The following CNTNAP2 variants were observed in gnomAD, a reference collection of about 807,000 sequenced individuals.
CNTNAP2 encodes contactin associated protein 2.
Under a neutral mutation model 155.2 loss-of-function variants are expected in CNTNAP2, and 98 were observed. The ratio of observed to expected loss-of-function variants is 0.63; its 90% CI spans 0.54 to 0.75. CNTNAP2 has a LOEUF of 0.75. Ranked by LOEUF, CNTNAP2 falls within the 30% of genes least tolerant of loss-of-function variation. The probability of loss-of-function intolerance (pLI) is 0.00; values close to 1 mark genes in which losing one functional copy is unlikely to be tolerated. For missense variants in CNTNAP2, 1,727 were observed against 1,688.1 expected (o/e 1.02, Z -0.40); for synonymous variants, 651 against 631.2 (o/e 1.03, Z -0.47).
chr7:147,373,716 G>A (rs974904271), intron 9 of CNTNAP2, among the ~76,000 whole-genome samples: 10 of 152,106 alleles, frequency 6.6e-5, no homozygotes, highest in Admixed American at 5.9e-4. Context: ...TGTATGAACT[G>A]TATACCACTG....
At chr7:146,560,962 CAGCCTTCATTACATA>C (rs1798270675) in intron 1 of CNTNAP2, among the ~76,000 whole-genome samples, 1 of 152,130 alleles carries the variant, frequency 6.6e-6, no homozygotes, top group Non-Finnish European at 1.5e-5. Context: ...GGAACAATTC[CAGCCTTCATTACATA>C]AGGAATTCAG....
intron 21 of CNTNAP2, among the ~76,000 whole-genome samples, chr7:148,285,275 G>A (rs757697671): frequency 4.6e-5 from 7 of 152,204 alleles, no homozygotes; most frequent in Non-Finnish European, 8.8e-5. Flanking sequence ...ATCTAAGGAA[G>A]ATAATCTTCT....
chr7:146,692,116 T>C (rs1800708261), intron 1 of CNTNAP2, among the ~76,000 whole-genome samples: 2 of 152,122 alleles, frequency 1.3e-5, no homozygotes, highest in South Asian at 4.1e-4. Flanking sequence ...CACATTTATG[T>C]TTTTCATCTC....
intron 3 of CNTNAP2, among the ~76,000 whole-genome samples, chr7:147,025,975 T>G (rs578041840): frequency 6.6e-6 from 1 of 151,984 alleles, no homozygotes; most frequent in Non-Finnish European, 1.5e-5. Flanking sequence ...TTCTCATGCC[T>G]CAGCCTCCTG....
chr7:146,398,321 G>A (rs977999097), intron 1 of CNTNAP2, among the ~76,000 whole-genome samples: 1 of 151,792 alleles, frequency 6.6e-6, no homozygotes, highest in Admixed American at 6.6e-5. Context: ...AATCATGGTG[G>A]AAAGGGAAAC....
intron 13 of CNTNAP2, among the ~76,000 whole-genome samples, chr7:147,737,206 T>A (rs2204415): frequency 3.3e-5 from 5 of 151,926 alleles, no homozygotes; most frequent in Non-Finnish European, 7.4e-5. Flanking sequence ...GTTTTGGTGT[T>A]GATGTCCTTT....
intron 1 of CNTNAP2, among the ~76,000 whole-genome samples, chr7:146,127,344 A>G (rs2116729549): frequency 6.6e-6 from 1 of 152,300 alleles, no homozygotes; most frequent in African/African-American, 2.4e-5. Context: ...CGCAGCAGGC[A>G]AATTCTTTGG....
At chr7:146,596,841 T>C (rs1408519897) in intron 1 of CNTNAP2, among the ~76,000 whole-genome samples, 1 of 152,070 alleles carries the variant, frequency 6.6e-6, no homozygotes, top group Non-Finnish European at 1.5e-5. Flanking sequence ...GATATCATAT[T>C]TCATAAGGAC....
At chr7:147,042,326 C>G (rs1161207924) in intron 3 of CNTNAP2, among the ~76,000 whole-genome samples, 3 of 152,120 alleles carry the variant, frequency 2.0e-5, no homozygotes, top group Admixed American at 6.6e-5. Context: ...ATGTGGATTG[C>G]TGGTACCATC....
At chr7:146,913,805 A>G (rs760713303) in intron 3 of CNTNAP2, among the ~76,000 whole-genome samples, 24 of 151,722 alleles carry the variant, frequency 1.6e-4, no homozygotes, top group Non-Finnish European at 5.9e-5. Flanking sequence ...GTTTGGTGAC[A>G]TGAACAAGTT....
intron 14 of CNTNAP2, among the ~76,000 whole-genome samples, chr7:147,915,876 T>C (rs1800151391): frequency 6.6e-6 from 1 of 152,216 alleles, no homozygotes; most frequent in African/African-American, 2.4e-5. Context: ...CCATCCCGTG[T>C]ACGTTACTCC....
intron 4 of CNTNAP2, among the ~76,000 whole-genome samples, chr7:147,072,782 G>T (rs531203781): frequency 8.1e-5 from 12 of 148,612 alleles, no homozygotes; most frequent in African/African-American, 3.0e-4. Context: ...CACATCTGTT[G>T]TTTTTTTTAT....
At chr7:146,144,963 C>T (rs1053667460) in intron 1 of CNTNAP2, among the ~76,000 whole-genome samples, 1 of 152,102 alleles carries the variant, frequency 6.6e-6, no homozygotes, top group Non-Finnish European at 1.5e-5. Flanking sequence ...TTCAAAACTT[C>T]AGGGTTGGCA....
At chr7:147,510,871 A>ATATATATATATATATATATATATATAT (rs1799006293) in intron 11 of CNTNAP2, among the ~76,000 whole-genome samples, 3 of 141,942 alleles carry the variant, frequency 2.1e-5, no homozygotes, top group African/African-American at 5.4e-5. Context: ...ATATATATAT[A>ATATATATATATATATATATATATATAT]ATGCTTCCTC....
At chr7:148,331,131 G>T (rs1191759395) in intron 21 of CNTNAP2, among the ~76,000 whole-genome samples, 1 of 149,968 alleles carries the variant, frequency 6.7e-6, no homozygotes, top group Non-Finnish European at 1.5e-5. Flanking sequence ...TGGGATGGGT[G>T]GATGGATGGA....
chr7:146,118,723 A>C (rs1420934195), intron 1 of CNTNAP2, among the ~76,000 whole-genome samples: 1 of 152,150 alleles, frequency 6.6e-6, no homozygotes, highest in Non-Finnish European at 1.5e-5. Context: ...TTGTTATTTC[A>C]TAAATATTTT....
chr7:146,895,265 C>T (rs188819160), intron 3 of CNTNAP2, among the ~76,000 whole-genome samples: 1 of 138,416 alleles, frequency 7.2e-6, no homozygotes, highest in Admixed American at 7.3e-5. Context: ...CTTCCTTCCC[C>T]TTCCTTCTTT....
chr7:146,969,939 C>T, intron 3 of CNTNAP2, among the ~76,000 whole-genome samples: 1 of 152,082 alleles, frequency 6.6e-6, no homozygotes, highest in East Asian at 1.9e-4. Flanking sequence ...TGACAAACTT[C>T]ACAAAAACAA....
intron 1 of CNTNAP2, among the ~76,000 whole-genome samples, chr7:146,641,406 GT>G (rs1213806513): frequency 1.3e-5 from 2 of 152,074 alleles, no homozygotes; most frequent in Non-Finnish European, 2.9e-5. Flanking sequence ...ACTTGGGCAG[GT>G]TTCTAATAAT....
Sources: allele counts gnomAD v4.1 joint callset (sites outside exome capture counted in the v4.1 genomes callset), GRCh38; gene constraint gnomAD v4.1.1; transcripts MANE v1.5; gene names NCBI Gene and HGNC (gene_info 2026-07-23, HGNC 2026-07-21).